WDR49: variants seen among roughly 807,000 people sequenced by gnomAD.
The protein encoded by WDR49 is cilia- and flagella-associated protein 337.
Under a neutral mutation model 119.5 loss-of-function variants are expected in WDR49, and 107 were observed. The ratio of observed to expected loss-of-function variants is 0.90; its 90% confidence interval spans 0.77 to 1.05. The LOEUF (loss-of-function observed/expected upper bound fraction) is 1.05. Ranked by LOEUF, WDR49 falls within the 50% of genes least tolerant of loss-of-function variation. The probability of loss-of-function intolerance (pLI) is 0.00; values close to 1 mark genes in which losing one functional copy is unlikely to be tolerated. For missense variants in WDR49, 1,240 were observed against 1,220.5 expected (o/e 1.02, Z -0.24); for synonymous variants, 425 against 418.8 (o/e 1.01, Z -0.18).
chr3:167,495,361 T>C (rs762627308), intron 18 of WDR49, among the ~76,000 whole-genome samples: 3 of 151,452 alleles, frequency 2.0e-5, no homozygotes, highest in African/African-American at 4.9e-5. Flanking sequence ...TAAATATGTG[T>C]GTATATATAT....
chr3:167,586,981 T>C (rs1212771444), intron 7 of WDR49, among the ~76,000 whole-genome samples: 3 of 152,172 alleles, frequency 2.0e-5, no homozygotes, highest in Non-Finnish European at 4.4e-5. Flanking sequence ...TTGATAAAGA[T>C]TCTCTTATTT....
At chr3:167,568,143 TA>T (rs1435899345) in intron 8 of WDR49, among the ~76,000 whole-genome samples, 2 of 152,230 alleles carry the variant, frequency 1.3e-5, no homozygotes, top group African/African-American at 4.8e-5. Flanking sequence ...TTCATCTGCT[TA>T]AAAAATTTGT....
At chr3:167,650,042 T>C (rs1718297793) in intron 2 of WDR49, among the ~76,000 whole-genome samples, 1 of 152,042 alleles carries the variant, frequency 6.6e-6, no homozygotes, top group Non-Finnish European at 1.5e-5. Context: ...TGTTAAACCA[T>C]CATTGACATA....
At chr3:167,518,235 T>C (rs1229259337) in intron 16 of WDR49, among the ~76,000 whole-genome samples, 2 of 151,952 alleles carry the variant, frequency 1.3e-5, no homozygotes, top group African/African-American at 4.8e-5. Flanking sequence ...TTACAGTCCT[T>C]TGGGTATATA....
At chr3:167,655,609 G>C (rs1189103292), upstream of WDR49, among the ~76,000 whole-genome samples, 1 of 152,040 alleles carries the variant, frequency 6.6e-6, no homozygotes, top group African/African-American at 2.4e-5. Context: ...TTTATTAAGA[G>C]CCTAATAGGC....
chr3:167,507,946 G>A (rs1751837302), intron 16 of WDR49, among the ~76,000 whole-genome samples: 1 of 152,188 alleles, frequency 6.6e-6, no homozygotes, highest in Non-Finnish European at 1.5e-5. Flanking sequence ...AGACAAAGAA[G>A]CAGAATAATG....
intron 7 of WDR49, among the ~76,000 whole-genome samples, chr3:167,580,768 T>C (rs1040568840): frequency 6.6e-5 from 10 of 152,212 alleles, no homozygotes; most frequent in Non-Finnish European, 1.2e-4. Flanking sequence ...GAATCCTGCG[T>C]TCTCACCTTC....
chr3:167,611,194 A>C (rs1303461265), intron 5 of WDR49, among the ~76,000 whole-genome samples: 1 of 152,226 alleles, frequency 6.6e-6, no homozygotes, highest in African/African-American at 2.4e-5. Context: ...GATAAAAAGC[A>C]GAGGGACGAA....
At chr3:167,641,690 T>C (rs940215767) in intron 2 of WDR49, among the ~76,000 whole-genome samples, 1 of 151,994 alleles carries the variant, frequency 6.6e-6, no homozygotes, top group Admixed American at 6.6e-5. Flanking sequence ...ATAATCTTTT[T>C]TCCTCTTTTC....
Position 167,560,167 on chromosome 3 carries a change from AT to A in WDR49, c.1570del (p.Ile524SerfsTer26), listed in dbSNP as rs757375021. The A allele has an allele frequency of 3.1e-6, 5 of 1,613,994 alleles. No individual in the cohort carries two copies. The East Asian group carries it at 1.1e-4, about 36-fold the overall frequency. ...SFWMIDTGQK[I>X]KQFTGCHGNA... ...GCCGTGGCAACCAGTAAACTGTTTG[AT>A]TTTCTGCCCAGTGTCTATCATCCAG... On this transcript the variant is annotated frameshift_variant, in exon 9 of 19. Coordinates refer to ENST00000682715, the MANE Select transcript of WDR49 (RefSeq NM_001366157.1). LOFTEE classifies it high-confidence loss of function.
chr3:167,478,907 T>A lies in WDR49; in HGVS notation c.3121A>T (p.Ser1041Cys), dbSNP rs151139703. 2.3e-5 allele frequency: 37 copies of A among 1,608,156 alleles called. No homozygotes were observed. Among genetic ancestry groups the A allele is most frequent in the Non-Finnish European group, 3.1e-5 (37 of 1,178,556 alleles). ...TTCTTATTTTTCTTCACTTCACAAC[T>A]TTTTTCTTGGCATAATTGCTTGGCT... The part of the protein sequence containing the change: ...RKAKQLCQEK[S>C]CEVKKNKK Residue 1041 changes from serine (S) to cysteine (C), a missense_variant, in exon 19 of 19, where the codon AGT becomes TGT. Transcript: ENST00000682715.
intron 2 of WDR49, among the ~76,000 whole-genome samples, chr3:167,640,556 G>A (rs1416694161): frequency 6.6e-6 from 1 of 151,700 alleles, no homozygotes; most frequent in Non-Finnish European, 1.5e-5. Flanking sequence ...TTTTTTTCTG[G>A]TTCTCATCTG....
At chr3:167,567,790 G>A (rs960878198) in intron 8 of WDR49, among the ~76,000 whole-genome samples, 1 of 152,162 alleles carries the variant, frequency 6.6e-6, no homozygotes, top group Non-Finnish European at 1.5e-5. Flanking sequence ...CAGGGGCATT[G>A]TCTAATATCA....
intron 16 of WDR49, among the ~76,000 whole-genome samples, chr3:167,521,963 AAGATAGATAGATAGATAGATAGATAGAT>A (rs201398579): frequency 4.5e-4 from 35 of 77,226 alleles, no homozygotes; most frequent in African/African-American, 1.2e-3. Flanking sequence ...TACACATTCT[AAGATAGATAGATAGATAGATAGATAGAT>A]AGATAGATAG....
intron 8 of WDR49, among the ~76,000 whole-genome samples, chr3:167,564,044 C>T (rs1049187049): frequency 2.6e-5 from 4 of 152,192 alleles, no homozygotes; most frequent in Non-Finnish European, 5.9e-5. Flanking sequence ...TGTTATCTAA[C>T]GTAGATACTC....
intron 5 of WDR49, among the ~76,000 whole-genome samples, chr3:167,619,026 C>A (rs767327406): frequency 6.6e-6 from 1 of 152,122 alleles, no homozygotes; most frequent in Non-Finnish European, 1.5e-5. Context: ...TCGGAAAAGA[C>A]AATCACAATT....
At chr3:167,632,656 G>A (rs1717425529) in intron 2 of WDR49, among the ~76,000 whole-genome samples, 1 of 151,944 alleles carries the variant, frequency 6.6e-6, no homozygotes, top group Non-Finnish European at 1.5e-5. Context: ...TTAGTTAAAT[G>A]TACAATTAAG....
At chr3:167,522,009 G>GATAT (rs137908498) in intron 16 of WDR49, among the ~76,000 whole-genome samples, 32,222 of 144,094 alleles carry the variant, frequency 0.22, 4,418 homozygotes, top group East Asian at 0.25. Context: ...TAGATAGATA[G>GATAT]ATAGATAGAT....
chr3:167,563,226 T>C (rs1180738643), intron 8 of WDR49, among the ~76,000 whole-genome samples: 4 of 151,492 alleles, frequency 2.6e-5, no homozygotes, highest in South Asian at 4.2e-4. Context: ...TGGTGGCGGG[T>C]GCCTGTAGTC....
Sources: gnomAD v4.1 joint callset for allele counts (sites outside exome capture counted in the v4.1 genomes callset) on GRCh38, gnomAD v4.1.1 for gene constraint, MANE v1.5 for transcripts, NCBI Gene and HGNC (gene_info 2026-07-23, HGNC 2026-07-21) for gene names.